Variants in TNR observed in about 807,000 individuals in gnomAD.
TNR encodes the protein tenascin-R.
In TNR, 45 loss-of-function variants were observed where a neutral mutation model predicts 150.4. That is an observed-to-expected ratio of 0.30 (90% CI 0.24 to 0.38). The LOEUF (loss-of-function observed/expected upper bound fraction) is 0.38, where lower values mean the gene tolerates loss of function less well. Among genes scored for constraint, TNR ranks in the 10% least tolerant of loss-of-function variants. The pLI is 1.00. For missense variants in TNR, 1,544 were observed against 1,759.1 expected, an observed-to-expected ratio of 0.88 and a Z score of 2.19; for synonymous variants, 687 against 678.4, an observed-to-expected ratio of 1.01 and a Z score of -0.20.
At chr1:175,382,490 C>G (rs1172211814) in intron 8 of TNR, among the ~76,000 whole-genome samples, 1 of 152,192 alleles carries the variant, frequency 6.6e-6, no homozygotes, top group Non-Finnish European at 1.5e-5. Flanking sequence ...CTGAAGAGTC[C>G]TAGAGCGGCA....
chr1:175,653,182 T>C (rs923835770), intron 1 of TNR, among the ~76,000 whole-genome samples: 4 of 152,184 alleles, frequency 2.6e-5, no homozygotes, highest in African/African-American at 7.2e-5. Flanking sequence ...AGAGAAACTT[T>C]TATACAAATC....
intron 1 of TNR, among the ~76,000 whole-genome samples, chr1:175,614,824 A>C (rs1315816188): frequency 6.6e-6 from 1 of 152,220 alleles, no homozygotes; most frequent in East Asian, 1.9e-4. Flanking sequence ...GCACACACAG[A>C]GACGTCTCAG....
chr1:175,458,855 A>T (rs963991327), intron 2 of TNR, among the ~76,000 whole-genome samples: 6 of 152,096 alleles, frequency 3.9e-5, no homozygotes, highest in Non-Finnish European at 7.4e-5. Flanking sequence ...TATCACCATC[A>T]CTGTCAGCAT....
intron 2 of TNR, among the ~76,000 whole-genome samples, chr1:175,460,918 C>T (rs1411650769): frequency 1.3e-5 from 2 of 152,180 alleles, no homozygotes; most frequent in Admixed American, 1.3e-4. Flanking sequence ...TGTACATGCT[C>T]ATATATATGT....
intron 1 of TNR, among the ~76,000 whole-genome samples, chr1:175,715,447 C>T (rs12144778): frequency 0.27 from 41,046 of 151,976 alleles, 6,679 homozygotes; most frequent in African/African-American, 0.45. Flanking sequence ...CTAGATTCTT[C>T]CCTTCTCTTT....
intron 1 of TNR, among the ~76,000 whole-genome samples, chr1:175,708,018 TTGTGTGTGTGTG>T (rs10676470): frequency 4.7e-4 from 68 of 144,752 alleles, no homozygotes; most frequent in Middle Eastern, 3.5e-3. Context: ...ATGTGTGTGT[TTGTGTGTGTGTG>T]TGTGTGTGTG....
At chr1:175,459,453 C>T (rs1022565830) in intron 2 of TNR, among the ~76,000 whole-genome samples, 1 of 152,190 alleles carries the variant, frequency 6.6e-6, no homozygotes, top group East Asian at 1.9e-4. Context: ...ATTTATTTCT[C>T]CTGCTCTCTA....
intron 2 of TNR, among the ~76,000 whole-genome samples, chr1:175,486,557 T>C (rs1320730903): frequency 6.6e-6 from 1 of 152,222 alleles, no homozygotes; most frequent in Non-Finnish European, 1.5e-5. Context: ...CCAAGTCTGC[T>C]ATTGTGAACA....
At chr1:175,468,550 T>C (rs941771718) in intron 2 of TNR, among the ~76,000 whole-genome samples, 1 of 152,168 alleles carries the variant, frequency 6.6e-6, no homozygotes, top group Non-Finnish European at 1.5e-5. Flanking sequence ...CAGGAGACTA[T>C]GAACACAGAG....
intron 9 of TNR, among the ~76,000 whole-genome samples, chr1:175,371,526 C>A (rs1571350490): frequency 6.6e-6 from 1 of 151,976 alleles, no homozygotes; most frequent in Non-Finnish European, 1.5e-5. Context: ...TAGTGAGCAC[C>A]CATAATATGC....
At chr1:175,597,826 T>C (rs971468183) in intron 1 of TNR, among the ~76,000 whole-genome samples, 1 of 152,184 alleles carries the variant, frequency 6.6e-6, no homozygotes, top group African/African-American at 2.4e-5. Flanking sequence ...TGAATTTTAA[T>C]AAAAATGGAA....
intron 2 of TNR, among the ~76,000 whole-genome samples, chr1:175,473,558 T>C (rs1657389488): frequency 6.6e-6 from 1 of 152,138 alleles, no homozygotes; most frequent in Non-Finnish European, 1.5e-5. Flanking sequence ...TTCTCAGCCA[T>C]GTAGGAAAGC....
chr1:175,695,130 G>A (rs1448353305), intron 1 of TNR, among the ~76,000 whole-genome samples: 1 of 152,176 alleles, frequency 6.6e-6, no homozygotes, highest in African/African-American at 2.4e-5. Context: ...GAAGGGATAA[G>A]GTGTAACTTC....
At chr1:175,722,775 T>TTATA (rs147425200) in intron 1 of TNR, among the ~76,000 whole-genome samples, 30,976 of 148,162 alleles carry the variant, frequency 0.21, 3,315 homozygotes, top group Middle Eastern at 0.28. Flanking sequence ...CCTATTTTTG[T>TTATA]TATATATATA....
chr1:175,692,463 C>A (rs1416803553), intron 1 of TNR, among the ~76,000 whole-genome samples: 1 of 152,194 alleles, frequency 6.6e-6, no homozygotes, highest in Admixed American at 6.5e-5. Flanking sequence ...GTGGAGAGTG[C>A]CTCAAGTTCC....
chr1:175,395,954 T>G (rs574644616), intron 5 of TNR, among the ~76,000 whole-genome samples: 53 of 152,340 alleles, frequency 3.5e-4, no homozygotes, highest in African/African-American at 1.1e-3. Flanking sequence ...ATCTCTCTCT[T>G]TCTTCCCTGT....
chr1:175,598,598 G>C (rs985304844), intron 1 of TNR, among the ~76,000 whole-genome samples: 1 of 152,240 alleles, frequency 6.6e-6, no homozygotes, highest in East Asian at 1.9e-4. Context: ...AAATGGCATG[G>C]TGACTGTGAG....
At chr1:175,456,350 A>G (rs1405839017) in intron 2 of TNR, among the ~76,000 whole-genome samples, 3 of 152,164 alleles carry the variant, frequency 2.0e-5, no homozygotes, top group Non-Finnish European at 2.9e-5. Context: ...TTTTTCTTAT[A>G]GTATCCATCA....
At chr1:175,348,824 A>AC (rs1199058996) in intron 18 of TNR, among the ~76,000 whole-genome samples, 2 of 152,232 alleles carry the variant, frequency 1.3e-5, no homozygotes, top group African/African-American at 4.8e-5. Context: ...ATTGAAGAAA[A>AC]CCTTTTGGCT....
Sources: gnomAD v4.1 joint callset for allele counts (sites outside exome capture counted in the v4.1 genomes callset) on GRCh38, gnomAD v4.1.1 for gene constraint, MANE v1.5 for transcripts, NCBI Gene and HGNC (gene_info 2026-07-23, HGNC 2026-07-21) for gene names.